The following SKIL variants were observed in gnomAD, a reference collection of about 807,000 sequenced individuals.
SKIL encodes the protein ski-like protein.
Under a neutral mutation model 69.6 loss-of-function variants are expected in SKIL, and 20 were observed. That is an observed-to-expected ratio of 0.29 (90% confidence interval 0.20 to 0.42). SKIL has a LOEUF of 0.42. SKIL is among the 10% of genes least tolerant of loss of function. The probability of loss-of-function intolerance (pLI) is 1.00; values close to 1 mark genes in which losing one functional copy is unlikely to be tolerated. For missense variants in SKIL, 745 were observed against 783.1 expected (o/e 0.95, Z 0.58); for synonymous variants, 310 against 279.9 (o/e 1.11, Z -1.08).
At chr3:170,372,950 T>C (rs1004482850) in intron 2 of SKIL, among the ~76,000 whole-genome samples, 5 of 152,082 alleles carry the variant, frequency 3.3e-5, no homozygotes, top group East Asian at 1.9e-4. Flanking sequence ...TTATCACTTA[T>C]AGCACTTTAA....
In SKIL at chr3:170,394,950, T is replaced by TA. The variant is rs1227264069; in HGVS notation, c.*2534dup. 1.3e-5 allele frequency: 2 copies of TA among 152,200 alleles called. No homozygotes were observed. Among genetic ancestry groups the TA allele is most frequent in the African/African-American group, 4.8e-5 (2 of 41,472 alleles). The allele number at this position is 152,200 out of a possible 1,614,324, so 9.4% of individuals were successfully genotyped here. A position where few individuals can be genotyped will look rare whatever the true frequency, so the allele number is the denominator to read the frequency against. ...GCTAGCTTAAAGTTTGATTTGTTGT[T>TA]ACTCTTTGTGTGCCAAATTCACTAG... On this transcript the variant is annotated 3_prime_UTR_variant, in exon 7 of 7. Transcript: ENST00000259119.
rs1737521676 is a variant in SKIL, at chr3:170,384,562, T to C, written c.1226T>C (p.Val409Ala). Reference sequence around the variant, plus strand: ...TACTTATACATGTGTGATAAAGTGGTTGCCCCAAATGTGTCACTTACTTCT... The same window carrying C: ...TACTTATACATGTGTGATAAAGTGGCTGCCCCAAATGTGTCACTTACTTCT... ...SYYLYMCDKV[V>A]APNVSLTSAV... The change falls in exon 4 of 7, where the codon GTT becomes GCT. Residue 409 changes from valine (V) to alanine (A), a missense_variant. Val to Ala is a moderately conservative substitution (Grantham distance 64, BLOSUM62 0). Coordinates refer to ENST00000259119, the MANE Select transcript of SKIL (RefSeq NM_005414.5). 1 of 1,606,712 alleles carries C rather than the reference T, an allele frequency of 6.2e-7. No individual in the cohort carries two copies. Among genetic ancestry groups the C allele is most frequent in the Non-Finnish European group, 8.5e-7 (1 of 1,175,030 alleles).
intron 2 of SKIL, among the ~76,000 whole-genome samples, chr3:170,362,362 A>G (rs1051215406): frequency 1.3e-5 from 2 of 148,378 alleles, no homozygotes; most frequent in Admixed American, 6.7e-5. Context: ...AATTAGACGG[A>G]TGTGGTGTCG....
intron 2 of SKIL, among the ~76,000 whole-genome samples, chr3:170,374,313 G>A (rs933239568): frequency 6.6e-6 from 1 of 152,112 alleles, no homozygotes; most frequent in Non-Finnish European, 1.5e-5. Context: ...TTTTGCTTAT[G>A]TGTTTGAAAT....
intron 2 of SKIL, among the ~76,000 whole-genome samples, chr3:170,374,526 A>G (rs984724471): frequency 6.6e-6 from 1 of 152,272 alleles, no homozygotes; most frequent in Non-Finnish European, 1.5e-5. Context: ...GGCAGTAGAT[A>G]CTCATAATTT....
At chr3:170,379,977 A>T (rs771741089) in intron 2 of SKIL, among the ~76,000 whole-genome samples, 9 of 152,056 alleles carry the variant, frequency 5.9e-5, no homozygotes, top group Non-Finnish European at 1.3e-4. Context: ...TTGTTTTCTC[A>T]TCTGTAAAAT....
intron 5 of SKIL, 66 bp from the exon 6 acceptor site, chr3:170,390,970 C>A: frequency 1.2e-6 from 1 of 838,088 alleles, no homozygotes; most frequent in Non-Finnish European, 1.9e-6. Flanking sequence ...CTATGTTTTC[C>A]AGAACTGAAA....
chr3:170,378,640 C>G (rs888160956), intron 2 of SKIL, among the ~76,000 whole-genome samples: 90 of 150,240 alleles, frequency 6.0e-4, no homozygotes, highest in African/African-American at 2.0e-3. Flanking sequence ...CAACCTCTGC[C>G]TCCCGGATTC....
intron 5 of SKIL, 147 bp downstream of exon 5, chr3:170,390,611 C>T (rs557114734): frequency 2.1e-5 from 14 of 652,322 alleles, no homozygotes; most frequent in East Asian, 5.5e-5. Context: ...CTTAGCCTTC[C>T]GAGTAGCTAG....
In SKIL at chr3:170,377,125, C is replaced by G. The variant is rs143727104; in HGVS notation, c.1099-4119C>G. On this transcript the variant is annotated intron_variant, in intron 2 of 6. Transcript: ENST00000259119. Reference sequence around the variant, plus strand: ...TCAGTTCCCTTTCTTACTGCTATAACTAAGCTATAGGCTGAGGAACTATGT... The same window carrying G: ...TCAGTTCCCTTTCTTACTGCTATAAGTAAGCTATAGGCTGAGGAACTATGT... Among the ~76,000 whole-genome samples the G allele has an allele frequency of 2.8e-3, 433 of 152,260 alleles. 6 individuals carry two copies. The highest frequency in any genetic ancestry group is 9.8e-3 in the African/African-American group (409 of 41,552).
Position 170,359,813 on chromosome 3 carries a change from G to A in SKIL, c.-519G>A, listed in dbSNP as rs1736130911. The A allele has an allele frequency of 6.5e-6, 1 of 153,008 alleles. No homozygotes were observed. Among genetic ancestry groups the A allele is most frequent in the African/African-American group, 2.4e-5 (1 of 41,440 alleles). The allele number at this position is 153,008 out of a possible 1,614,324, so 9.5% of individuals were successfully genotyped here. ...CACACGTCTTCAGTTTTTCAGCACA[G>A]ACCAGCAGACCATCATTTTTAGAGG... On this transcript the variant is annotated 5_prime_UTR_variant, in exon 2 of 7. Transcript: ENST00000259119.
chr3:170,384,446 T>TA (rs1737515581), intron 3 of SKIL, 87 bp from the exon 4 acceptor site: 1 of 612,716 alleles, frequency 1.6e-6, no homozygotes, highest in Admixed American at 2.8e-5. Context: ...AAAAAAAGTT[T>TA]AACCACAGAA....
In SKIL at chr3:170,394,121, T is replaced by G. The variant is rs1738071186; in HGVS notation, c.*1704T>G. 2.5e-5 allele frequency: 1 copy of G among 40,240 alleles called. No individual in the cohort carries two copies. Among genetic ancestry groups the G allele is most frequent in the Non-Finnish European group, 6.3e-5 (1 of 15,934 alleles). 2.5% of individuals were successfully genotyped at this position (40,240 alleles called of 1,614,324 possible). A position where few individuals can be genotyped will look rare whatever the true frequency, so the allele number is the denominator to read the frequency against. Reference sequence around the variant, plus strand: ...AAATGACATGTAGAAACAAATTTTTTTTTTTTTTTTTTTTTTTTTTTTTTT... The same window carrying G: ...AAATGACATGTAGAAACAAATTTTTGTTTTTTTTTTTTTTTTTTTTTTTTT... On this transcript the variant is annotated 3_prime_UTR_variant, in exon 7 of 7. Coordinates refer to ENST00000259119, the MANE Select transcript of SKIL (RefSeq NM_005414.5).
chr3:170,374,430 C>T (rs1032417192), intron 2 of SKIL, among the ~76,000 whole-genome samples: 1 of 152,254 alleles, frequency 6.6e-6, no homozygotes, highest in Non-Finnish European at 1.5e-5. Flanking sequence ...TGATCCACTT[C>T]TTTGGCAAGT....
At position 170,391,125 on chromosome 3, in the gene SKIL, T is replaced by C. The variant is rs1560222521; in HGVS notation, c.1761T>C (p.Asn587=). Residue 587 remains asparagine, a synonymous_variant, in exon 6 of 7, where the codon AAT becomes AAC. Coordinates refer to ENST00000259119, the MANE Select transcript of SKIL (RefSeq NM_005414.5). ...AGAAAGAGCTTGAATCTTTGCAGAATGAACATGCTCAAAGAATGGAAGAAT... is the reference window on the plus strand; with the variant it reads ...AGAAAGAGCTTGAATCTTTGCAGAACGAACATGCTCAAAGAATGGAAGAAT... ...NLQKELESLQ[N]EHAQRMEEFY... The C allele has an allele frequency of 6.2e-7, 1 of 1,609,298 alleles. No individual in the cohort carries two copies. The highest frequency in any genetic ancestry group is 8.5e-7 in the Non-Finnish European group (1 of 1,175,658).
chr3:170,382,959 C>G (rs555784638), intron 3 of SKIL, among the ~76,000 whole-genome samples: 43 of 152,000 alleles, frequency 2.8e-4, no homozygotes, highest in African/African-American at 9.9e-4. Context: ...CCTCAAGTGA[C>G]CCACCTGCCA....
chr3:170,373,913 G>A (rs1438596168), intron 2 of SKIL, among the ~76,000 whole-genome samples: 1 of 151,952 alleles, frequency 6.6e-6, no homozygotes, highest in South Asian at 2.1e-4. Context: ...ATTTTAAAGG[G>A]TTTTTTTTGG....
chr3:170,387,343 C>G (rs1346979008), intron 4 of SKIL, among the ~76,000 whole-genome samples: 1 of 152,174 alleles, frequency 6.6e-6, no homozygotes, highest in Non-Finnish European at 1.5e-5. Context: ...CTGATTCTCC[C>G]TTTCTCGAAG....
At chr3:170,378,735 G>A (rs955911986) in intron 2 of SKIL, among the ~76,000 whole-genome samples, 15 of 151,430 alleles carry the variant, frequency 9.9e-5, no homozygotes, top group African/African-American at 1.9e-4. Context: ...TAGAAACGGC[G>A]TTTCTCCATG....
Sources: allele counts gnomAD v4.1 joint callset (sites outside exome capture counted in the v4.1 genomes callset), GRCh38; gene constraint gnomAD v4.1.1; transcripts MANE v1.5; gene names NCBI Gene and HGNC (gene_info 2026-07-23, HGNC 2026-07-21).